SH3BP1: variants seen among roughly 807,000 people sequenced by gnomAD.
SH3BP1 encodes SH3 domain-binding protein 1.
A neutral mutation model predicts 69.8 loss-of-function variants in SH3BP1; 46 were observed. The observed-to-expected ratio is 0.66, with a 90% CI of 0.52 to 0.84. SH3BP1 has a LOEUF of 0.84. Ranked by LOEUF, SH3BP1 falls within the 40% of genes least tolerant of loss-of-function variation. The pLI is 0.00. For missense variants in SH3BP1, 868 were observed against 930.9 expected (o/e 0.93, Z 0.88); for synonymous variants, 403 against 378.0 (o/e 1.07, Z -0.77).
intron 17 of SH3BP1, among the ~76,000 whole-genome samples, chr22:37,654,076 C>CGT (rs2146076601): frequency 6.6e-6 from 1 of 152,322 alleles, no homozygotes; most frequent in African/African-American, 2.4e-5. Flanking sequence ...TCACCTTCCT[C>CGT]CTCTGTGTAA....
Position 37,655,309 on chromosome 22 carries a change from C to T in SH3BP1, c.1731C>T (p.Pro577=), listed in dbSNP as rs1356119420. The T allele has an allele frequency of 7.0e-6, 11 of 1,566,102 alleles. No homozygotes were observed. The highest frequency in any genetic ancestry group is 2.3e-5 in the South Asian group (2 of 87,858). The change falls in exon 18 of 18, where the codon CCC becomes CCT. Residue 577 remains proline (P), a synonymous_variant. Coordinates refer to ENST00000649765, the MANE Select transcript of SH3BP1 (RefSeq NM_018957.6). ...RPAPARPTMP[P]PQVSGSRSSP... ...CGCCAGCCCGGCCCACCATGCCGCC[C>T]CCCCAGGTCTCCGGCTCCCGCTCCT...
At chr22:37,639,995 T>C in intron 1 of SH3BP1, 149 bp downstream of exon 1, 1 of 562,308 alleles carries the variant, frequency 1.8e-6, no homozygotes, top group South Asian at 2.6e-5. Context: ...CTTCCTCCTC[T>C]CTGAACGCCG....
chr22:37,651,051 T>A (rs1184149955), intron 16 of SH3BP1, among the ~76,000 whole-genome samples: 2 of 152,082 alleles, frequency 1.3e-5, no homozygotes, highest in Non-Finnish European at 2.9e-5. Flanking sequence ...GTTTTTTTTT[T>A]AAGACAGAGT....
At chr22:37,648,551 G>T in intron 14 of SH3BP1, 116 bp downstream of exon 14, 1 of 720,422 alleles carries the variant, frequency 1.4e-6, no homozygotes, top group Non-Finnish European at 2.4e-6. Context: ...GGGTTGAGCA[G>T]CTCCTGTTTT....
At chr22:37,655,126 C>A in intron 17 of SH3BP1, 146 bp from the exon 18 acceptor site, 1 of 623,276 alleles carries the variant, frequency 1.6e-6, no homozygotes, top group Middle Eastern at 4.4e-4. Context: ...AAGGAGAGGC[C>A]TAGACGATGA....
rs1174608759 is a variant in SH3BP1, at chr22:37,650,164, G to C, written c.1329G>C (p.Gln443His). The C allele has an allele frequency of 6.8e-6, 11 of 1,614,016 alleles. No homozygotes were observed. The highest frequency in any genetic ancestry group is 9.3e-6 in the Non-Finnish European group (11 of 1,180,034). ...CTCTTTGTCCCAGGGACCAGGCCCA[G>C]CTGGATGCAGCCTCCGTGTCTTCCA... ...WPPEKEGDQA[Q>H]LDAASVSSIQ... Residue 443 changes from glutamine to histidine, a missense_variant, in exon 15 of 18, where the codon CAG (glutamine) becomes CAC (histidine). Physicochemically the swap from Gln to His is conservative, Grantham distance 24. Around this residue, in one of 3 missense-constraint regions of SH3BP1, gnomAD observed 474 missense variants for 462.3 expected, o/e 1.03. Coordinates refer to ENST00000649765, the MANE Select transcript of SH3BP1 (RefSeq NM_018957.6).
rs780578184 is a variant in SH3BP1, at chr22:37,644,631, C to T, written c.619-6C>T. 47 of 1,613,828 alleles carry T rather than the reference C, an allele frequency of 2.9e-5. No individual in the cohort carries two copies. Among genetic ancestry groups the T allele is most frequent in the Middle Eastern group, 3.3e-4 (2 of 6,082 alleles). ...CAACGTAAGCTCTCCCCTCTCTGTC[C>T]CCAAGGACGAGTACTTGGCTGACCT... On this transcript the variant is annotated splice_region_variant and splice_polypyrimidine_tract_variant and intron_variant, in intron 7 of 17. Coordinates refer to ENST00000649765, the MANE Select transcript of SH3BP1 (RefSeq NM_018957.6).
chr22:37,643,708 AGCCATAC>A lies in SH3BP1; in HGVS notation c.540_546del (p.Ser180ArgfsTer10). Reference sequence around the variant, plus strand: ...CCTAGGAGGCAGCCCGGGTAGTCACAGCCATACGACCATGGCCAACAAGGTGGAGACG... The same window carrying A: ...CCTAGGAGGCAGCCCGGGTAGTCACAGACCATGGCCAACAAGGTGGAGACG... On this transcript the variant is annotated frameshift_variant, in exon 7 of 18. Coordinates refer to ENST00000649765, the MANE Select transcript of SH3BP1 (RefSeq NM_018957.6). LOFTEE classifies it high-confidence loss of function. 1 of 1,614,086 alleles carries A rather than the reference AGCCATAC, an allele frequency of 6.2e-7. No individual in the cohort carries two copies. Among genetic ancestry groups the A allele is most frequent in the African/African-American group, 1.3e-5 (1 of 75,024 alleles).
chr22:37,648,267 T>C, intron 13 of SH3BP1, 52 bp from the exon 14 acceptor site: 1 of 1,279,790 alleles, frequency 7.8e-7, no homozygotes, highest in Non-Finnish European at 1.1e-6. Flanking sequence ...GCTGGAGAAT[T>C]CTCAGGGCTG....
intron 15 of SH3BP1, 41 bp from the exon 16 acceptor site, chr22:37,650,501 G>T: frequency 6.3e-7 from 1 of 1,576,734 alleles, no homozygotes; most frequent in South Asian, 1.2e-5. Flanking sequence ...GAGGAGCCTG[G>T]CGCGGTCTCT....
Position 37,642,533 on chromosome 22 carries a change from C to G in SH3BP1, c.208-6C>G. 1 of 1,613,060 alleles carries G rather than the reference C, an allele frequency of 6.2e-7. No homozygotes were observed. Among genetic ancestry groups the G allele is most frequent in the Non-Finnish European group, 8.5e-7 (1 of 1,179,924 alleles). On this transcript the variant is annotated splice_region_variant and splice_polypyrimidine_tract_variant and intron_variant, in intron 3 of 17. Coordinates refer to ENST00000649765, the MANE Select transcript of SH3BP1 (RefSeq NM_018957.6). ...ACACTCATCGCCGGCCCCACCCTCC[C>G]TGCAGAAGAAGCTTCCCCTCATGGC...
Position 37,653,805 on chromosome 22 carries a change from C to T in SH3BP1, c.1625C>T (p.Pro542Leu), listed in dbSNP as rs759476815. 2 of 1,613,748 alleles carry T rather than the reference C, an allele frequency of 1.2e-6. No individual in the cohort carries two copies. The highest frequency in any genetic ancestry group is 1.7e-6 in the Non-Finnish European group (2 of 1,179,838). ...ERTESEVPPR[P>L]ASPKVTRSPP... is the part of the protein sequence containing the mutation. ...ACAGAGTCTGAGGTGCCTCCCAGAC[C>T]AGCCTCCCCCAAGGTCACCAGGAGT... The change falls in exon 17 of 18, where the codon CCA becomes CTA. Residue 542 changes from proline (P) to leucine (L), a missense_variant. Pro to Leu is a moderately conservative substitution (Grantham distance 98). Transcript: ENST00000649765.
At chr22:37,654,287 G>A (rs1354381502) in intron 17 of SH3BP1, among the ~76,000 whole-genome samples, 2 of 152,122 alleles carry the variant, frequency 1.3e-5, no homozygotes, top group Non-Finnish European at 2.9e-5. Flanking sequence ...GGGCAGTGAA[G>A]GGGCTGGGCA....
At position 37,642,520 on chromosome 22, in the gene SH3BP1, G is replaced by A. The variant is rs186690233; in HGVS notation, c.208-19G>A. ...GAGGGAGGCACGGACACTCATCGCC[G>A]GCCCCACCCTCCCTGCAGAAGAAGC... On this transcript the variant is annotated intron_variant, in intron 3 of 17. Transcript: ENST00000649765. 57 of 1,612,070 alleles carry A rather than the reference G, an allele frequency of 3.5e-5. 1 individual carries two copies. Among genetic ancestry groups the A allele is most frequent in the African/African-American group, 2.8e-4 (21 of 74,856 alleles).
chr22:37,647,587 G>A, intron 13 of SH3BP1, 66 bp downstream of exon 13: 1 of 1,336,538 alleles, frequency 7.5e-7, no homozygotes, highest in Non-Finnish European at 1.0e-6. Flanking sequence ...ACGGACCCTG[G>A]GACCCTGGGC....
At position 37,645,515 on chromosome 22, in the gene SH3BP1, G is replaced by A; in HGVS notation, c.924+5G>A. 7 of 1,603,402 alleles carry A rather than the reference G, an allele frequency of 4.4e-6. No homozygotes were observed. The highest frequency in any genetic ancestry group is 6.0e-6 in the Non-Finnish European group (7 of 1,171,772). Reference sequence around the variant, plus strand: ...TCTGAGGGCATGAAGGAAGAGGTGGGGTCCCCTGGGGCAGGTGGGGAAGGA... The same window carrying A: ...TCTGAGGGCATGAAGGAAGAGGTGGAGTCCCCTGGGGCAGGTGGGGAAGGA... On this transcript the variant is annotated splice_donor_5th_base_variant and intron_variant, in intron 10 of 17. Coordinates refer to ENST00000649765, the MANE Select transcript of SH3BP1 (RefSeq NM_018957.6).
At chr22:37,649,220 T>A (rs1407730560) in intron 14 of SH3BP1, among the ~76,000 whole-genome samples, 3 of 152,144 alleles carry the variant, frequency 2.0e-5, no homozygotes, top group Non-Finnish European at 4.4e-5. Flanking sequence ...CCAGGTCCAG[T>A]GTCATGCCTG....
chr22:37,655,294 G>T lies in SH3BP1; in HGVS notation c.1716G>T (p.Arg572=). 3 of 1,575,670 alleles carry T rather than the reference G, an allele frequency of 1.9e-6. No individual in the cohort carries two copies. Among genetic ancestry groups the T allele is most frequent in the Non-Finnish European group, 1.7e-6 (2 of 1,163,738 alleles). Residue 572 remains arginine (R), a synonymous_variant, in exon 18 of 18, where the codon CGG becomes CGT. Coordinates refer to ENST00000649765, the MANE Select transcript of SH3BP1 (RefSeq NM_018957.6). ...CAGCCAAGCGCCCGGCGCCAGCCCG[G>T]CCCACCATGCCGCCCCCCCAGGTCT... is the stretch of plus-strand genomic sequence containing the variant. ...ARRTKRPAPA[R]PTMPPPQVSG... is the part of the protein sequence containing the mutation.
intron 11 of SH3BP1, 51 bp downstream of exon 11, chr22:37,646,980 G>A (rs1049533652): frequency 4.8e-6 from 6 of 1,261,424 alleles, no homozygotes; most frequent in Non-Finnish European, 6.5e-6. Context: ...AGGGGGTGCA[G>A]TGGCTTGAAA....
Sources: allele counts gnomAD v4.1 joint callset (sites outside exome capture counted in the v4.1 genomes callset), GRCh38; gene constraint gnomAD v4.1.1; regional missense constraint gnomAD v4.1.1; transcripts MANE v1.5; gene names NCBI Gene and HGNC (gene_info 2026-07-23, HGNC 2026-07-21).